Variants in PPP2R2B observed in about 807,000 individuals in gnomAD.
PPP2R2B encodes the protein serine/threonine-protein phosphatase 2A 55 kDa regulatory subunit B beta isoform.
Under a neutral mutation model 46.0 loss-of-function variants are expected in PPP2R2B, and 5 were observed. That is an observed-to-expected ratio of 0.11 (90% CI 0.06 to 0.23). PPP2R2B has a LOEUF of 0.23. Ranked by LOEUF, PPP2R2B falls within the 10% of genes least tolerant of loss-of-function variation. The pLI, the probability that PPP2R2B is intolerant of heterozygous loss-of-function variation, is 1.00. For missense variants in PPP2R2B, 367 were observed against 575.0 expected (o/e 0.64, Z 3.70); for synonymous variants, 215 against 206.7 (o/e 1.04, Z -0.34).
chr5:147,011,621 A>C (rs1305245580), intron 1 of PPP2R2B, among the ~76,000 whole-genome samples: 1 of 151,272 alleles, frequency 6.6e-6, no homozygotes, highest in African/African-American at 2.4e-5. Flanking sequence ...TATGTTGAAT[A>C]GGAGTGGTGA....
At chr5:146,736,777 T>C (rs547337439) in intron 2 of PPP2R2B, among the ~76,000 whole-genome samples, 3 of 152,324 alleles carry the variant, frequency 2.0e-5, no homozygotes, top group African/African-American at 7.2e-5. Flanking sequence ...GGATTGCAGC[T>C]TTGTGTTTTC....
At chr5:147,001,871 C>G (rs1404868954) in intron 1 of PPP2R2B, among the ~76,000 whole-genome samples, 1 of 152,128 alleles carries the variant, frequency 6.6e-6, no homozygotes, top group African/African-American at 2.4e-5. Flanking sequence ...TGCCTGGAAC[C>G]AGCTGCTGCT....
chr5:146,930,409 T>G (rs1047727966), intron 1 of PPP2R2B, among the ~76,000 whole-genome samples: 1 of 152,154 alleles, frequency 6.6e-6, no homozygotes, highest in Non-Finnish European at 1.5e-5. Flanking sequence ...CACTAACCCC[T>G]CTGGGTCTTT....
chr5:146,705,133 G>C (rs1472021589), intron 2 of PPP2R2B, among the ~76,000 whole-genome samples: 1 of 152,036 alleles, frequency 6.6e-6, no homozygotes, highest in Non-Finnish European at 1.5e-5. Flanking sequence ...GAAATGCAAG[G>C]GTAATGCAAT....
chr5:146,602,343 G>T (rs1771864859), intron 7 of PPP2R2B, among the ~76,000 whole-genome samples: 1 of 152,114 alleles, frequency 6.6e-6, no homozygotes, highest in East Asian at 1.9e-4. Context: ...ATGAATATTT[G>T]TTGCTTCACT....
At position 146,878,268 on chromosome 5, in the gene PPP2R2B, G is replaced by T. The variant is rs943046374; in HGVS notation, c.-124-73C>A. On this transcript the variant is annotated intron_variant, in intron 1 of 9. Transcript: ENST00000394411. This position sits in a 1 kb window ranked among gnomAD's most constrained non-coding sequence, Gnocchi z 4.5. ...AATGGAGCTGTCACCTCCTCCACTC[G>T]GGTTCTGCGAGGCTGCGGCGGCTCC... The T allele has an allele frequency of 2.0e-6, 3 of 1,476,660 alleles. No individual in the cohort carries two copies. The highest frequency in any genetic ancestry group is 2.7e-6 in the Non-Finnish European group (3 of 1,117,456). 91.5% of individuals were successfully genotyped at this position (1,476,660 alleles called of 1,614,324 possible). A position where few individuals can be genotyped will look rare whatever the true frequency, so the allele number is the denominator to read the frequency against.
intron 1 of PPP2R2B, among the ~76,000 whole-genome samples, chr5:147,009,837 A>G (rs1474778094): frequency 2.0e-5 from 3 of 150,318 alleles, no homozygotes; most frequent in African/African-American, 5.0e-5. Flanking sequence ...GCACATTTAT[A>G]CATATTTATA....
At chr5:147,076,160 T>C (rs1262334036) in intron 2 of PPP2R2B, among the ~76,000 whole-genome samples, 1 of 152,140 alleles carries the variant, frequency 6.6e-6, no homozygotes, top group Admixed American at 6.5e-5. Context: ...GATTTTACTA[T>C]TAGGTGTTCA....
At chr5:147,081,461 C>T (rs1261985528), upstream of PPP2R2B, 1 of 625,734 alleles carries the variant, frequency 1.6e-6, no homozygotes, top group Non-Finnish European at 2.8e-6. Context: ...CAGTCATCCC[C>T]TGTGTGACTG....
intron 1 of PPP2R2B, among the ~76,000 whole-genome samples, chr5:146,903,572 A>G (rs1279395443): frequency 6.6e-6 from 1 of 151,188 alleles, no homozygotes; most frequent in Non-Finnish European, 1.5e-5. Flanking sequence ...ACTTTTAAAT[A>G]TTTTTTGTTG....
intron 1 of PPP2R2B, among the ~76,000 whole-genome samples, chr5:146,967,395 C>T (rs1367618533): frequency 6.6e-6 from 1 of 152,172 alleles, no homozygotes; most frequent in Non-Finnish European, 1.5e-5. Flanking sequence ...CAAATGATCT[C>T]ATTTAATCCT....
At chr5:146,855,024 A>G (rs555079646) in intron 2 of PPP2R2B, among the ~76,000 whole-genome samples, 1 of 152,272 alleles carries the variant, frequency 6.6e-6, no homozygotes, top group South Asian at 2.1e-4. Flanking sequence ...AGGGGGCATA[A>G]AAGTTGGAAG....
intron 2 of PPP2R2B, chr5:146,856,705 G>C: frequency 1.4e-6 from 1 of 690,882 alleles, no homozygotes; most frequent in Non-Finnish European, 2.5e-6. Context: ...GGGAGAGTTT[G>C]CTCCAGGCCT....
At chr5:146,943,963 G>T (rs1395714980) in intron 1 of PPP2R2B, among the ~76,000 whole-genome samples, 1 of 152,094 alleles carries the variant, frequency 6.6e-6, no homozygotes, top group Non-Finnish European at 1.5e-5. Flanking sequence ...CAGCCTCATT[G>T]ACATGTGTTC....
intron 1 of PPP2R2B, among the ~76,000 whole-genome samples, chr5:146,931,325 A>G (rs542969107): frequency 2.6e-5 from 4 of 152,250 alleles, no homozygotes; most frequent in African/African-American, 9.6e-5. Context: ...AGGTAAGAAG[A>G]TTGCTGACCT....
intron 9 of PPP2R2B, among the ~76,000 whole-genome samples, chr5:146,591,673 C>CCA (rs1554110304): frequency 1.7e-3 from 120 of 72,582 alleles, no homozygotes; most frequent in African/African-American, 5.0e-3. Context: ...GATTATTTTC[C>CCA]AAAAAAAAAA....
upstream of PPP2R2B, among the ~76,000 whole-genome samples, chr5:147,057,169 C>A (rs1411619593): frequency 6.6e-6 from 1 of 152,180 alleles, no homozygotes; most frequent in Non-Finnish European, 1.5e-5. Flanking sequence ...TCATGTCAAT[C>A]CATTCCCCCA....
intron 1 of PPP2R2B, among the ~76,000 whole-genome samples, chr5:146,913,874 G>T (rs1031832206): frequency 2.6e-5 from 4 of 152,132 alleles, no homozygotes; most frequent in African/African-American, 9.7e-5. Flanking sequence ...CTACTAAAAT[G>T]GACCTAGCTC....
intron 1 of PPP2R2B, among the ~76,000 whole-genome samples, chr5:146,939,389 G>A (rs1269451698): frequency 6.6e-6 from 1 of 152,166 alleles, no homozygotes; most frequent in East Asian, 1.9e-4. Flanking sequence ...TCACGTTCAA[G>A]GTCCTGCGAG....
Sources: gnomAD v4.1 joint callset for allele counts (sites outside exome capture counted in the v4.1 genomes callset) on GRCh38, gnomAD v4.1.1 for gene constraint, Gnocchi (gnomAD v3.1) non-coding constraint, MANE v1.5 for transcripts, NCBI Gene and HGNC (gene_info 2026-07-23, HGNC 2026-07-21) for gene names.